The following SDK1 variants were observed in gnomAD, a reference collection of about 807,000 sequenced individuals.
The protein encoded by SDK1 is sidekick cell adhesion molecule 1.
In SDK1, 157 loss-of-function variants were observed where a neutral mutation model predicts 245.5. That is an observed-to-expected ratio of 0.64 (90% CI 0.56 to 0.73). SDK1 has a LOEUF of 0.73. SDK1 is among the 30% of genes least tolerant of loss of function. The pLI is 0.00. For synonymous variants in SDK1, 1,647 were observed against 1,278.5 expected, an observed-to-expected ratio of 1.29 and a Z score of -6.15; for missense variants, 3,583 against 3,002.3, an observed-to-expected ratio of 1.19 and a Z score of -4.52.
At chr7:4,077,766 A>G (rs955599525) in intron 21 of SDK1, among the ~76,000 whole-genome samples, 11 of 152,186 alleles carry the variant, frequency 7.2e-5, no homozygotes, top group Non-Finnish European at 1.3e-4. Context: ...AGAACAGCAC[A>G]GGAAAGACCT....
intron 17 of SDK1, among the ~76,000 whole-genome samples, chr7:4,020,479 A>ACC (rs1278803205): frequency 2.6e-5 from 4 of 152,168 alleles, no homozygotes; most frequent in Non-Finnish European, 5.9e-5. Context: ...ATGACATCAG[A>ACC]CCACCAGTCT....
intron 5 of SDK1, among the ~76,000 whole-genome samples, chr7:3,830,421 C>A (rs1779885084): frequency 6.6e-6 from 1 of 152,124 alleles, no homozygotes; most frequent in Non-Finnish European, 1.5e-5. Context: ...TTATTATATT[C>A]AGATATTTAA....
At chr7:3,440,266 C>T (rs755392889) in intron 1 of SDK1, among the ~76,000 whole-genome samples, 1 of 152,122 alleles carries the variant, frequency 6.6e-6, no homozygotes, top group Admixed American at 6.5e-5. Flanking sequence ...GGTTTGCATT[C>T]AGGTATATTT....
intron 16 of SDK1, among the ~76,000 whole-genome samples, chr7:4,013,664 G>C (rs980341223): frequency 1.3e-5 from 2 of 152,228 alleles, no homozygotes; most frequent in African/African-American, 4.8e-5. Context: ...CTATTTGCCT[G>C]TCAAAACCAA....
chr7:4,196,786 T>C (rs377656931), intron 35 of SDK1, among the ~76,000 whole-genome samples: 12 of 152,320 alleles, frequency 7.9e-5, no homozygotes, highest in African/African-American at 2.2e-4. Context: ...ACACAGATCC[T>C]ACCTCATGAG....
At chr7:4,039,082 C>G (rs1457249964) in intron 17 of SDK1, among the ~76,000 whole-genome samples, 1 of 148,590 alleles carries the variant, frequency 6.7e-6, no homozygotes, top group Non-Finnish European at 1.5e-5. Context: ...TGTTCTCACT[C>G]ATAGGTGGGA....
chr7:3,621,813 G>A (rs1781950421), intron 2 of SDK1, among the ~76,000 whole-genome samples: 1 of 152,136 alleles, frequency 6.6e-6, no homozygotes, highest in African/African-American at 2.4e-5. Context: ...ATTTTTAAAT[G>A]GATAATATGG....
At chr7:3,314,831 T>C (rs1779627493) in intron 1 of SDK1, among the ~76,000 whole-genome samples, 2 of 152,226 alleles carry the variant, frequency 1.3e-5, no homozygotes, top group African/African-American at 4.8e-5. Flanking sequence ...ATTGCTTTAC[T>C]TCAAAAATTG....
chr7:3,615,847 A>G (rs1472880918), intron 1 of SDK1, among the ~76,000 whole-genome samples: 2 of 142,858 alleles, frequency 1.4e-5, no homozygotes, highest in Admixed American at 7.0e-5. Flanking sequence ...TAACAACACA[A>G]TCACACAACC....
chr7:4,165,847 C>T (rs973887602), intron 32 of SDK1, among the ~76,000 whole-genome samples: 9 of 151,542 alleles, frequency 5.9e-5, no homozygotes, highest in African/African-American at 1.2e-4. Context: ...AGTGCAGTGG[C>T]GCAATCATAG....
intron 4 of SDK1, among the ~76,000 whole-genome samples, chr7:3,754,052 A>G (rs1779849699): frequency 6.6e-6 from 1 of 152,204 alleles, no homozygotes; most frequent in Non-Finnish European, 1.5e-5. Context: ...GCAAATGACT[A>G]GGCCATATGG....
At chr7:4,078,889 G>A (rs979871104) in intron 21 of SDK1, among the ~76,000 whole-genome samples, 4 of 152,136 alleles carry the variant, frequency 2.6e-5, no homozygotes, top group African/African-American at 7.2e-5. Context: ...GCACTTGCAC[G>A]AGAATTTGTT....
chr7:3,311,998 A>G (rs1254599318), intron 1 of SDK1, among the ~76,000 whole-genome samples: 2 of 152,144 alleles, frequency 1.3e-5, no homozygotes, highest in Non-Finnish European at 2.9e-5. Flanking sequence ...TCTAGCATCA[A>G]ACCTTGAAGG....
intron 32 of SDK1, among the ~76,000 whole-genome samples, chr7:4,170,716 C>G (rs968171038): frequency 6.6e-5 from 10 of 152,134 alleles, no homozygotes; most frequent in African/African-American, 2.4e-4. Flanking sequence ...TCTATAGACT[C>G]CACAGGGAGG....
At chr7:3,984,607 GTC>G (rs111456212) in intron 13 of SDK1, among the ~76,000 whole-genome samples, 202 of 152,214 alleles carry the variant, frequency 1.3e-3, no homozygotes, top group African/African-American at 4.5e-3. Flanking sequence ...GCCCGAGAAT[GTC>G]TGTTTTGCAA....
rs1167112768 is a variant in SDK1 at position 3,427,838 on chromosome 7, ATGTCGT to A, written c.298+125956_298+125961del. ...GTGGCTGCACATCATTGTCTCTTAG[ATGTCGT>A]TAGTGTCTCTTAGATGTCGTTAGTG... On this transcript the variant is annotated intron_variant, in intron 1 of 44. Transcript: ENST00000404826. 4.9e-3 allele frequency among the ~76,000 whole-genome samples: 525 copies of A among 106,850 alleles called. 3 individuals carry two copies. The highest frequency in any genetic ancestry group is 0.011 in the African/African-American group (187 of 16,816). 70.1% of individuals were successfully genotyped at this position (106,850 alleles called of 152,430 possible).
intron 5 of SDK1, among the ~76,000 whole-genome samples, chr7:3,826,036 T>C (rs1356269641): frequency 6.6e-6 from 1 of 152,216 alleles, no homozygotes; most frequent in Non-Finnish European, 1.5e-5. Flanking sequence ...TATTTTATAG[T>C]CAAGTCATGA....
chr7:3,346,807 G>GTGTATATATATA (rs796252256), intron 1 of SDK1, among the ~76,000 whole-genome samples: 2 of 42,252 alleles, frequency 4.7e-5, no homozygotes, highest in African/African-American at 1.0e-4. Context: ...GTGTGTGTGT[G>GTGTATATATATA]TATATATATA....
At chr7:3,667,084 A>G (rs1783557705) in intron 4 of SDK1, among the ~76,000 whole-genome samples, 1 of 152,174 alleles carries the variant, frequency 6.6e-6, no homozygotes, top group Non-Finnish European at 1.5e-5. Context: ...ATGACAAAAG[A>G]AATAAAAATC....
Sources: gnomAD v4.1 joint callset for allele counts (sites outside exome capture counted in the v4.1 genomes callset) on GRCh38, gnomAD v4.1.1 for gene constraint, MANE v1.5 for transcripts, NCBI Gene and HGNC (gene_info 2026-07-23, HGNC 2026-07-21) for gene names.